NRDE2: variants seen among roughly 807,000 people sequenced by gnomAD.
NRDE2 encodes the protein nuclear exosome regulator NRDE2.
Under a neutral mutation model 124.2 loss-of-function variants are expected in NRDE2, and 76 were observed. The observed-to-expected ratio is 0.61, with a 90% CI of 0.51 to 0.74. The LOEUF is 0.74. Ranked by LOEUF, NRDE2 falls within the 30% of genes least tolerant of loss-of-function variation. The pLI is 0.00. For synonymous variants in NRDE2, 489 were observed against 528.1 expected (o/e 0.93, Z 1.01); for missense variants, 1,314 against 1,417.3 (o/e 0.93, Z 1.17).
chr14:90,329,357 T>G, intron 1 of NRDE2, among the ~76,000 whole-genome samples: 1 of 152,184 alleles, frequency 6.6e-6, no homozygotes, highest in Non-Finnish European at 1.5e-5. Flanking sequence ...TGGTATACAC[T>G]TCCCCCATTT....
chr14:90,279,457 A>G, intron 12 of NRDE2: 1 of 257,046 alleles, frequency 3.9e-6, no homozygotes, highest in Non-Finnish European at 7.4e-6. Flanking sequence ...CTTGAAACCA[A>G]GGAGTGTCAG....
At chr14:90,292,990 T>C (rs1892314665) in intron 8 of NRDE2, 118 bp from the exon 9 acceptor site, 2 of 872,072 alleles carry the variant, frequency 2.3e-6, no homozygotes, top group East Asian at 2.4e-5. Context: ...GTAAGAGCCA[T>C]GCCAGTCTCC....
In NRDE2 at chr14:90,302,921, A is replaced by G. The variant is rs1318547493; in HGVS notation, c.1210T>C (p.Trp404Arg). 2 of 1,613,974 alleles carry G rather than the reference A, an allele frequency of 1.2e-6. No homozygotes were observed. Among genetic ancestry groups the G allele is most frequent in the Non-Finnish European group, 1.7e-6 (2 of 1,180,006 alleles). The change falls in exon 6 of 14, where the codon TGG (tryptophan) becomes CGG (arginine). Residue 404 changes from tryptophan to arginine, a missense_variant. By Grantham distance (101) the Trp-to-Arg change is moderately radical (BLOSUM62 -3). Transcript: ENST00000354366. ...GGATGCAAAAATATCAGTTTCTGCC[A>G]CTCTTTGACCAGAGTGGAGGGCTCC... is the stretch of plus-strand genomic sequence containing the variant. ...FWEPSTLVKEWQKLIFLHPNN... is the reference protein window; with the variant it reads ...FWEPSTLVKERQKLIFLHPNN...
rs560580984 is a variant in NRDE2 at position 90,283,716 on chromosome 14, T to G, written c.3297+2638A>C. On this transcript the variant is annotated intron_variant, in intron 12 of 13. Transcript: ENST00000354366. Reference sequence around the variant, plus strand: ...CATAAACTTTTGCAGGTTTTTTGTTTTTTTTTTTTTTGAGACAGAGTCTGG... The same window carrying G: ...CATAAACTTTTGCAGGTTTTTTGTTGTTTTTTTTTTTGAGACAGAGTCTGG... Among the ~76,000 whole-genome samples, 9 of 151,480 alleles carry G rather than the reference T, an allele frequency of 5.9e-5. No homozygotes were observed. In the South Asian group the frequency reaches 1.7e-3, roughly 28 times the overall value.
rs143411024 is a variant in NRDE2, at chr14:90,304,361, G to A, written c.579C>T (p.Ser193=). Residue 193 remains serine, a synonymous_variant, in exon 5 of 14, where the codon TCC becomes TCT. Coordinates refer to ENST00000354366, the MANE Select transcript of NRDE2 (RefSeq NM_017970.4). Reference sequence around the variant, plus strand: ...GCTTCTTAGGGTTAATGCCAAGGCAGGAGTCTCCTTTCCTCTTGTATCTGA... The same window carrying A: ...GCTTCTTAGGGTTAATGCCAAGGCAAGAGTCTCCTTTCCTCTTGTATCTGA... The part of the protein sequence containing the change: ...DIARYKRKGD[S]CLGINPKKQC... 4.6e-5 allele frequency: 74 copies of A among 1,608,420 alleles called. No homozygotes were observed. In the African/African-American group the frequency reaches 9.0e-4, roughly 20 times the overall value.
rs1345158346 is a variant in NRDE2, at chr14:90,278,466, G to C, written c.3370-5C>G. 6.2e-7 allele frequency: 1 copy of C among 1,613,752 alleles called. No individual in the cohort carries two copies. Among genetic ancestry groups the C allele is most frequent in the Non-Finnish European group, 8.5e-7 (1 of 1,179,798 alleles). On this transcript the variant is annotated splice_polypyrimidine_tract_variant and splice_region_variant and intron_variant, in intron 13 of 13. Coordinates refer to ENST00000354366, the MANE Select transcript of NRDE2 (RefSeq NM_017970.4). Reference sequence around the variant, plus strand: ...CACGGCGTCCAGGTACAACACCTAGGGGGCAGGCAGGAAGGCCGCCCCACT... The same window carrying C: ...CACGGCGTCCAGGTACAACACCTAGCGGGCAGGCAGGAAGGCCGCCCCACT...
At chr14:90,298,130 T>G in intron 8 of NRDE2, 130 bp downstream of exon 8, 1 of 1,006,812 alleles carries the variant, frequency 9.9e-7, no homozygotes, top group East Asian at 2.4e-5. Flanking sequence ...TTAACATTTT[T>G]GACATTTTGA....
At chr14:90,292,944 G>A in intron 8 of NRDE2, 72 bp from the exon 9 acceptor site, 2 of 1,446,342 alleles carry the variant, frequency 1.4e-6, no homozygotes, top group South Asian at 1.2e-5. Context: ...AGCCTGCTAT[G>A]TCAGGGACTG....
In NRDE2 at chr14:90,296,410, T is replaced by G. The variant is rs568737699; in HGVS notation, c.1666+1850A>C. On this transcript the variant is annotated intron_variant, in intron 8 of 13. Transcript: ENST00000354366. ...TTTGGAAAAGAACACTCCAGGGAAATCTAAACAGCTGAGACTCTGACAGCC... is the reference window on the plus strand; with the variant it reads ...TTTGGAAAAGAACACTCCAGGGAAAGCTAAACAGCTGAGACTCTGACAGCC... Among the ~76,000 whole-genome samples, 137 of 152,214 alleles carry G rather than the reference T, an allele frequency of 9.0e-4. 2 individuals are homozygous for G. The South Asian group carries it at 0.011, about 12-fold the overall frequency.
chr14:90,317,950 A>G (rs1280832805), intron 2 of NRDE2, 55 bp downstream of exon 2: 2 of 1,270,860 alleles, frequency 1.6e-6, no homozygotes, highest in Non-Finnish European at 2.2e-6. Flanking sequence ...ATTTCAGCTA[A>G]GCTATAGACA....
In NRDE2 at chr14:90,301,370, G is replaced by C; in HGVS notation, c.1414C>G (p.Leu472Val). The C allele has an allele frequency of 6.2e-7, 1 of 1,613,830 alleles. No homozygotes were observed. Among genetic ancestry groups the C allele is most frequent in the Non-Finnish European group, 8.5e-7 (1 of 1,179,896 alleles). The change falls in exon 7 of 14, where the codon CTC (leucine) becomes GTC (valine). Residue 472 changes from leucine (L) to valine (V), a missense_variant and splice_region_variant. Transcript: ENST00000354366. ...LPGTEEAMFALFLQQCHFLRQ... is the reference protein window; with the variant it reads ...LPGTEEAMFAVFLQQCHFLRQ... ...AGAAAGTGGCACTGCTGAAGAAAGA[G>C]TGCTGCGAACAGGAGGGCAAAGGGG...
Position 90,278,256 on chromosome 14 carries a change from C to G in NRDE2, c.*80G>C, listed in dbSNP as rs1891850936. The G allele has an allele frequency of 6.4e-7, 1 of 1,556,664 alleles. No homozygotes were observed. The highest frequency in any genetic ancestry group is 1.4e-5 in the African/African-American group (1 of 73,902). ...TCAAAAGCCGAGTTCTCCTAACACACACGTTCTCTGCTCGCGCCTCCTAGC... is the reference window on the plus strand; with the variant it reads ...TCAAAAGCCGAGTTCTCCTAACACAGACGTTCTCTGCTCGCGCCTCCTAGC... On this transcript the variant is annotated 3_prime_UTR_variant, in exon 14 of 14. Coordinates refer to ENST00000354366, the MANE Select transcript of NRDE2 (RefSeq NM_017970.4).
Position 90,269,489 on chromosome 14 carries a change from T to G in NRDE2, c.*8847A>C. 1 of 1,613,966 alleles carries G rather than the reference T, an allele frequency of 6.2e-7. No homozygotes were observed. Among genetic ancestry groups the G allele is most frequent in the Non-Finnish European group, 8.5e-7 (1 of 1,179,942 alleles). On this transcript the variant is annotated 3_prime_UTR_variant, in exon 14 of 14. Coordinates refer to ENST00000354366, the MANE Select transcript of NRDE2 (RefSeq NM_017970.4). Reference sequence around the variant, plus strand: ...GATGGATTTGATTCTAGGGGAGATGTGAAAGTTATCATGGCCACAAACCGA... The same window carrying G: ...GATGGATTTGATTCTAGGGGAGATGGGAAAGTTATCATGGCCACAAACCGA...
intron 1 of NRDE2, among the ~76,000 whole-genome samples, chr14:90,323,056 ACT>A (rs1885297655): frequency 6.6e-6 from 1 of 152,192 alleles, no homozygotes; most frequent in South Asian, 2.1e-4. Flanking sequence ...GGAAATTAAC[ACT>A]CTGCCATACA....
rs1291081927 is a variant in NRDE2, at chr14:90,270,226, C to T, written c.*8110G>A. 6.2e-7 allele frequency: 1 copy of T among 1,613,608 alleles called. No homozygotes were observed. The highest frequency in any genetic ancestry group is 1.7e-5 in the Admixed American group (1 of 59,970). On this transcript the variant is annotated 3_prime_UTR_variant, in exon 14 of 14. Transcript: ENST00000354366. The stretch of plus-strand genomic sequence containing the variant: ...GCATTGACAGGAAGATTGAGTTCCC[C>T]CTGCCTGATGAAAAGACGAAGAAGC...
At chr14:90,291,177 C>T (rs2062068333) in intron 9 of NRDE2, among the ~76,000 whole-genome samples, 1 of 152,166 alleles carries the variant, frequency 6.6e-6, no homozygotes, top group South Asian at 2.1e-4. Flanking sequence ...GAGCCTAACA[C>T]TAACTGTAAA....
chr14:90,324,857 G>C (rs1020759925), intron 1 of NRDE2, among the ~76,000 whole-genome samples: 3 of 152,146 alleles, frequency 2.0e-5, no homozygotes, highest in African/African-American at 7.2e-5. Flanking sequence ...GTATTTGTAA[G>C]GCATTTAAAC....
chr14:90,292,859 A>G lies in NRDE2; in HGVS notation c.1680T>C (p.Asp560=). ...TTTCCTGGTCATCCTCTTCTGGTTC[A>G]TCGTCATCCTCATCTAGACAAGAAT... ...WVVINPDEDD[D]EPEEDDQEIK... The change falls in exon 9 of 14, where the codon GAT becomes GAC. Residue 560 remains aspartate (D), a synonymous_variant. Coordinates refer to ENST00000354366, the MANE Select transcript of NRDE2 (RefSeq NM_017970.4). The G allele has an allele frequency of 1.2e-6, 2 of 1,613,776 alleles. No homozygotes were observed. The highest frequency in any genetic ancestry group is 8.5e-7 in the Non-Finnish European group (1 of 1,179,764).
At chr14:90,303,360 T>A (rs1403242867) in intron 5 of NRDE2, among the ~76,000 whole-genome samples, 1 of 152,268 alleles carries the variant, frequency 6.6e-6, no homozygotes, top group Non-Finnish European at 1.5e-5. Context: ...GATTTCTGCA[T>A]CAATGACTAG....
Sources: gnomAD v4.1 joint callset for allele counts (sites outside exome capture counted in the v4.1 genomes callset) on GRCh38, gnomAD v4.1.1 for gene constraint, MANE v1.5 for transcripts, NCBI Gene and HGNC (gene_info 2026-07-23, HGNC 2026-07-21) for gene names.